SUSD4: variants seen among roughly 807,000 people sequenced by gnomAD.
SUSD4 encodes the protein sushi domain containing 4.
SUSD4 carries 41 observed loss-of-function variants against 50.5 expected under a neutral mutation model. The observed-to-expected ratio is 0.81, with a 90% CI of 0.63 to 1.05. SUSD4 has a LOEUF of 1.05. Among genes scored for constraint, SUSD4 ranks in the 50% least tolerant of loss-of-function variants. The pLI is 0.00. For synonymous variants in SUSD4, 257 were observed against 257.3 expected (o/e 1.00, Z 0.01); for missense variants, 580 against 634.7 (o/e 0.91, Z 0.93).
intron 2 of SUSD4, among the ~76,000 whole-genome samples, chr1:223,341,578 T>G (rs927529884): frequency 2.6e-5 from 4 of 152,072 alleles, no homozygotes; most frequent in Admixed American, 2.6e-4. Context: ...GCCAGCGGTC[T>G]CCAGATCCAC....
rs963148068 is a variant in SUSD4, at chr1:223,278,733, C to T, written c.362-10058G>A. On this transcript the variant is annotated intron_variant, in intron 3 of 8. Transcript: ENST00000366878. ...AGAGAGTACTGTGGTTCTCCCAGCA[C>T]GGAGTTTGAGATCTGAGAACGGACA... Among the ~76,000 whole-genome samples, 5 of 152,226 alleles carry T rather than the reference C, an allele frequency of 3.3e-5. No homozygotes were observed. In the East Asian group the frequency reaches 5.8e-4, roughly 18 times the overall value.
chr1:223,364,824 T>C (rs1669229541), upstream of SUSD4, among the ~76,000 whole-genome samples: 1 of 152,052 alleles, frequency 6.6e-6, no homozygotes, highest in Non-Finnish European at 1.5e-5. The surrounding 1 kb of genome is among the most constrained non-coding windows in gnomAD (Gnocchi z 4.5). Flanking sequence ...CCGAGTCTCT[T>C]AATTTCCCGC....
chr1:223,238,843 T>C (rs1416874361), intron 5 of SUSD4, among the ~76,000 whole-genome samples: 2 of 152,014 alleles, frequency 1.3e-5, no homozygotes, highest in East Asian at 3.8e-4. Flanking sequence ...TGTATGTCAA[T>C]TATTGTTTGA....
intron 3 of SUSD4, among the ~76,000 whole-genome samples, chr1:223,290,457 T>G (rs1664417095): frequency 6.6e-6 from 1 of 152,226 alleles, no homozygotes; most frequent in Non-Finnish European, 1.5e-5. Context: ...TAAAAATAAA[T>G]ACACCATTGT....
intron 2 of SUSD4, among the ~76,000 whole-genome samples, chr1:223,330,219 C>T (rs186246570): frequency 2.8e-4 from 42 of 152,198 alleles, no homozygotes; most frequent in Admixed American, 1.8e-3. Flanking sequence ...TCTCTACTGC[C>T]ACCACTAAAT....
intron 3 of SUSD4, among the ~76,000 whole-genome samples, chr1:223,288,506 T>C (rs1335039945): frequency 6.6e-6 from 1 of 152,194 alleles, no homozygotes; most frequent in African/African-American, 2.4e-5. Flanking sequence ...CTGTACAACA[T>C]TATCTCATAG....
intron 5 of SUSD4, among the ~76,000 whole-genome samples, chr1:223,258,069 G>A (rs1452320097): frequency 2.0e-5 from 3 of 152,078 alleles, no homozygotes; most frequent in Non-Finnish European, 4.4e-5. Flanking sequence ...CATCCAAGGA[G>A]GCCTGGATTC....
intron 5 of SUSD4, 79 bp downstream of exon 5, chr1:223,264,551 C>T: frequency 1.9e-6 from 3 of 1,564,360 alleles, no homozygotes; most frequent in South Asian, 2.4e-5. Flanking sequence ...CATCATAATT[C>T]ACAGCTCTTC....
At chr1:223,268,312 T>C (rs1361853287) in intron 4 of SUSD4, among the ~76,000 whole-genome samples, 190 bp downstream of exon 4, 1 of 151,338 alleles carries the variant, frequency 6.6e-6, no homozygotes, top group Non-Finnish European at 1.5e-5. Context: ...CTACAAGGAG[T>C]GGTGATGGAG....
chr1:223,298,989 AAG>A (rs1421029734), intron 2 of SUSD4, among the ~76,000 whole-genome samples: 4 of 152,344 alleles, frequency 2.6e-5, no homozygotes, highest in Middle Eastern at 3.4e-3. Flanking sequence ...AAGTGGTGAA[AAG>A]AGAGCCATCA....
rs747238890 is a variant in SUSD4 at position 223,227,731 on chromosome 1, C to T, written c.924G>A (p.Thr308=). Residue 308 remains threonine, a synonymous_variant, in exon 7 of 9, where the codon ACG becomes ACA. Transcript: ENST00000366878. This position sits in a 1 kb window ranked among gnomAD's most constrained non-coding sequence, Gnocchi z 4.5. The part of the protein sequence containing the change: ...YQVYCIKSEQ[T]WPSTHETLLT... The stretch of plus-strand genomic sequence containing the variant: ...GGAGGGTCTCATGGGTGCTGGGCCA[C>T]GTTTGCTCTGCATGAGGGAGAACAA... 13 of 1,611,440 alleles carry T rather than the reference C, an allele frequency of 8.1e-6. No homozygotes were observed. The highest frequency in any genetic ancestry group is 2.2e-5 in the East Asian group (1 of 44,790).
At chr1:223,262,080 G>A (rs1282919838) in intron 5 of SUSD4, among the ~76,000 whole-genome samples, 1 of 152,200 alleles carries the variant, frequency 6.6e-6, no homozygotes, top group Non-Finnish European at 1.5e-5. Context: ...CCAGCCTGGT[G>A]AACCTTCCTC....
At chr1:223,254,084 A>G (rs1661519820) in intron 5 of SUSD4, among the ~76,000 whole-genome samples, 2 of 152,340 alleles carry the variant, frequency 1.3e-5, no homozygotes, top group East Asian at 3.9e-4. Context: ...CCCTGCTCCA[A>G]ACAGGGAATC....
At chr1:223,340,690 T>A (rs1667707036) in intron 2 of SUSD4, among the ~76,000 whole-genome samples, 1 of 152,154 alleles carries the variant, frequency 6.6e-6, no homozygotes, top group African/African-American at 2.4e-5. Flanking sequence ...GTGAGCTCTT[T>A]CCCACAGGAG....
intron 5 of SUSD4, among the ~76,000 whole-genome samples, chr1:223,245,696 C>T (rs1218551837): frequency 1.3e-5 from 2 of 152,208 alleles, no homozygotes; most frequent in Non-Finnish European, 2.9e-5. Flanking sequence ...ATAGACATGG[C>T]AGGACTGCCA....
chr1:223,361,851 C>T (rs542602508), intron 2 of SUSD4, among the ~76,000 whole-genome samples: 13 of 152,270 alleles, frequency 8.5e-5, no homozygotes, highest in South Asian at 2.1e-4. Flanking sequence ...ACTGTTCTGC[C>T]CGTCTATTCC....
chr1:223,267,685 CA>C, intron 4 of SUSD4, among the ~76,000 whole-genome samples: 2 of 152,100 alleles, frequency 1.3e-5, no homozygotes, highest in Middle Eastern at 6.8e-3. Context: ...ACAGGGCACC[CA>C]AAGCAATATC....
At chr1:223,289,749 G>A (rs1664367346) in intron 3 of SUSD4, among the ~76,000 whole-genome samples, 1 of 152,128 alleles carries the variant, frequency 6.6e-6, no homozygotes, top group African/African-American at 2.4e-5. Flanking sequence ...CGGAATGAGG[G>A]CTTGAATTAC....
In SUSD4 at chr1:223,221,150, C is replaced by T. The variant is rs1659118303; in HGVS notation, c.*1042G>A. The T allele has an allele frequency of 7.5e-6, 3 of 400,812 alleles. No homozygotes were observed. Among genetic ancestry groups the T allele is most frequent in the Non-Finnish European group, 1.3e-5 (3 of 226,242 alleles). The allele number at this position is 400,812 out of a possible 1,614,324, so 24.8% of individuals were successfully genotyped here. ...GCTATCTGGGCTGGGAGGCCAGCCTCCTGGAATCTTAGGACAAATAAAAGG... is the reference window on the plus strand; with the variant it reads ...GCTATCTGGGCTGGGAGGCCAGCCTTCTGGAATCTTAGGACAAATAAAAGG... On this transcript the variant is annotated 3_prime_UTR_variant, in exon 9 of 9. Transcript: ENST00000366878.
Sources: allele counts gnomAD v4.1 joint callset (sites outside exome capture counted in the v4.1 genomes callset), GRCh38; gene constraint gnomAD v4.1.1; non-coding constraint Gnocchi (gnomAD v3.1); transcripts MANE v1.5; gene names NCBI Gene and HGNC (gene_info 2026-07-23, HGNC 2026-07-21).